Variants in RFPL2 observed in about 807,000 individuals in gnomAD.
The protein encoded by RFPL2 is ret finger protein-like 2.
RFPL2 carries 13 observed loss-of-function variants against 17.8 expected under a neutral mutation model. The observed-to-expected ratio is 0.73, with a 90% CI of 0.47 to 1.16. The LOEUF (loss-of-function observed/expected upper bound fraction) is 1.16, where lower values mean the gene tolerates loss of function less well. RFPL2 is among the 50% of genes most tolerant of loss of function. The pLI is 0.00. For missense variants in RFPL2, 431 were observed against 479.3 expected, an observed-to-expected ratio of 0.90 and a Z score of 0.94; for synonymous variants, 189 against 180.9, an observed-to-expected ratio of 1.04 and a Z score of -0.36.
At position 32,192,995 on chromosome 22, in the gene RFPL2, G is replaced by T. The variant is rs778375746; in HGVS notation, c.463C>A (p.Arg155=). Residue 155 remains arginine (R), a synonymous_variant, in exon 4 of 5, where the codon CGG becomes AGG. Transcript: ENST00000652607. ...TGGGAAGCCAGCCTCTCTAGCTGCC[G>T]ATTGCGCCTGATTTTGTTCTTCCGA... ...VSRKNKIRRN[R]QLERLASHIK... is the part of the protein sequence containing the mutation. The T allele has an allele frequency of 3.1e-6, 5 of 1,614,016 alleles. No homozygotes were observed. The highest frequency in any genetic ancestry group is 2.7e-5 in the African/African-American group (2 of 74,904).
intron 3 of RFPL2, 116 bp from the exon 4 acceptor site, chr22:32,193,308 C>G (rs772006564): frequency 6.3e-7 from 1 of 1,588,516 alleles, no homozygotes; most frequent in Non-Finnish European, 8.6e-7. Context: ...TTTGTCACTC[C>G]GAGAATAAGA....
Position 32,202,391 on chromosome 22 carries a change from A to G in RFPL2, c.61T>C (p.Cys21Arg). Residue 21 changes from cysteine to arginine, a missense_variant, in exon 2 of 5, where the codon TGT becomes CGT. Coordinates refer to ENST00000652607, the MANE Select transcript of RFPL2 (RefSeq NM_001394555.1). ...TAVSQSRICL[C>R]AVLCGHWDFA... ...TCCCAGTGGCCACACAATACAGCAC[A>G]TAGACAGATCCTGGATTGGGACACT... 1 of 1,606,554 alleles carries G rather than the reference A, an allele frequency of 6.2e-7. No individual in the cohort carries two copies. The highest frequency in any genetic ancestry group is 8.5e-7 in the Non-Finnish European group (1 of 1,176,640).
intron 1 of RFPL2, chr22:32,203,239 G>A: frequency 3.6e-6 from 1 of 274,856 alleles, no homozygotes; most frequent in Non-Finnish European, 5.5e-6. Context: ...TCTGTGCTGT[G>A]GGCAGTGCAG....
chr22:32,194,426 T>C lies in RFPL2; in HGVS notation c.184A>G (p.Arg62Gly). The C allele has an allele frequency of 6.2e-7, 1 of 1,610,666 alleles. No individual in the cohort carries two copies. The highest frequency in any genetic ancestry group is 1.1e-5 in the South Asian group (1 of 90,332). ...PVGGGNLTNK[R>G]PSCAPSPQDL... ...TGTGGGGAAGGGGCACACGAGGGCC[T>C]TTTATTGGTGAGATTCCCACCTCCC... The change falls in exon 3 of 5, where the codon AGG becomes GGG. Residue 62 changes from arginine to glycine, a missense_variant. By Grantham distance (125) the Arg-to-Gly change is moderately radical. Coordinates refer to ENST00000652607, the MANE Select transcript of RFPL2 (RefSeq NM_001394555.1).
chr22:32,202,275 T>C, intron 2 of RFPL2, 58 bp downstream of exon 2: 4 of 1,548,252 alleles, frequency 2.6e-6, no homozygotes, highest in Non-Finnish European at 3.5e-6. Context: ...TGCCTTCCTC[T>C]TTCCCTTATA....
At chr22:32,198,057 G>A (rs1427814446) in intron 2 of RFPL2, among the ~76,000 whole-genome samples, 1 of 152,102 alleles carries the variant, frequency 6.6e-6, no homozygotes, top group Non-Finnish European at 1.5e-5. Flanking sequence ...TTGTGGTTGT[G>A]GTCAGATTGG....
intron 2 of RFPL2, 130 bp downstream of exon 2, chr22:32,202,203 C>G (rs1923988543): frequency 2.5e-5 from 28 of 1,112,134 alleles, no homozygotes; most frequent in Middle Eastern, 2.1e-4. Context: ...TCTCCCTGGA[C>G]TCCCCTCTCC....
intron 4 of RFPL2, among the ~76,000 whole-genome samples, chr22:32,192,639 A>G (rs1922800140): frequency 6.6e-6 from 1 of 152,224 alleles, no homozygotes; most frequent in East Asian, 1.9e-4. Flanking sequence ...GCATTTTAAC[A>G]AGATCCCCAG....
chr22:32,202,727 C>A, intron 1 of RFPL2, 177 bp from the exon 2 acceptor site: 1 of 1,204,790 alleles, frequency 8.3e-7, no homozygotes, highest in Non-Finnish European at 1.0e-6. Flanking sequence ...CACCACAGTG[C>A]CCGGGCTTCC....
In RFPL2 at chr22:32,190,661, C is replaced by A; in HGVS notation, c.*111G>T. On this transcript the variant is annotated 3_prime_UTR_variant, in exon 5 of 5. Coordinates refer to ENST00000652607, the MANE Select transcript of RFPL2 (RefSeq NM_001394555.1). ...GATTAAGTACAATCAAGAAATGTCC[C>A]ATATTTTTCTCCCGTGACTTTGTAT... is the stretch of plus-strand genomic sequence containing the variant. The A allele has an allele frequency of 2.8e-6, 3 of 1,090,554 alleles. No homozygotes were observed. Among genetic ancestry groups the A allele is most frequent in the African/African-American group, 1.6e-5 (1 of 63,028 alleles). 67.6% of individuals were successfully genotyped at this position (1,090,554 alleles called of 1,614,324 possible).
intron 4 of RFPL2, among the ~76,000 whole-genome samples, 196 bp downstream of exon 4, chr22:32,192,706 C>T (rs1216426929): frequency 1.3e-5 from 2 of 152,160 alleles, no homozygotes; most frequent in African/African-American, 2.4e-5. Context: ...ACATAGACAT[C>T]GGGTTTTTGT....
chr22:32,191,935 C>G (rs1916023225), intron 4 of RFPL2, among the ~76,000 whole-genome samples: 1 of 151,074 alleles, frequency 6.6e-6, no homozygotes, highest in Non-Finnish European at 1.5e-5. Context: ...AAAAAATCTA[C>G]AGAACATATG....
intron 1 of RFPL2, among the ~76,000 whole-genome samples, chr22:32,204,196 G>C (rs975277969): frequency 7.1e-6 from 1 of 140,422 alleles, no homozygotes; most frequent in Non-Finnish European, 1.5e-5. Flanking sequence ...CCCATAGATA[G>C]AGCCCCCAAC....
intron 2 of RFPL2, among the ~76,000 whole-genome samples, chr22:32,201,016 G>A (rs891256745): frequency 2.0e-5 from 3 of 151,754 alleles, no homozygotes; most frequent in African/African-American, 7.3e-5. Context: ...GTGCAAGGAG[G>A]GTAATAGGTG....
In RFPL2 at chr22:32,190,880, A is replaced by G. The variant is rs757675719; in HGVS notation, c.1029T>C (p.Phe343=). ...CATTAGGTGGAACTGAAGGAGCCAA[A>G]AATGGGCGCAATGGCTCCTCAGCAG... ...SVSAEEPLRP[F]LAPSVPPNGD... The change falls in exon 5 of 5, where the codon TTT becomes TTC. Residue 343 remains phenylalanine, a synonymous_variant. Coordinates refer to ENST00000652607, the MANE Select transcript of RFPL2 (RefSeq NM_001394555.1). 8.2e-6 allele frequency: 13 copies of G among 1,593,310 alleles called. No homozygotes were observed. In the South Asian group the frequency reaches 1.5e-4, roughly 18 times the overall value.
chr22:32,200,202 G>C, intron 2 of RFPL2: 1 of 359,604 alleles, frequency 2.8e-6, no homozygotes. Flanking sequence ...GAGCGCTGTG[G>C]AGAAGACAGT....
chr22:32,190,565 G>A lies in RFPL2; in HGVS notation c.*207C>T. 1 of 446,034 alleles carries A rather than the reference G, an allele frequency of 2.2e-6. No homozygotes were observed. Among genetic ancestry groups the A allele is most frequent in the Non-Finnish European group, 3.8e-6 (1 of 261,376 alleles). 27.6% of individuals were successfully genotyped at this position (446,034 alleles called of 1,614,324 possible). A position where few individuals can be genotyped will look rare whatever the true frequency, so the allele number is the denominator to read the frequency against. On this transcript the variant is annotated 3_prime_UTR_variant, in exon 5 of 5. Coordinates refer to ENST00000652607, the MANE Select transcript of RFPL2 (RefSeq NM_001394555.1). ...GACATTTCTATAGGAAACAAGATGTGAACCATAGGACTCAATGAGTTTGAT... is the reference window on the plus strand; with the variant it reads ...GACATTTCTATAGGAAACAAGATGTAAACCATAGGACTCAATGAGTTTGAT...
chr22:32,196,569 C>G (rs1427042200), intron 2 of RFPL2, among the ~76,000 whole-genome samples: 1 of 152,156 alleles, frequency 6.6e-6, no homozygotes, highest in Non-Finnish European at 1.5e-5. Context: ...CTGGGTCACT[C>G]CACATCCACA....
Position 32,190,718 on chromosome 22 carries a change from C to T in RFPL2, c.*54G>A, listed in dbSNP as rs1922480429. ...TTTACGAAGTAGAGCGTTCCTAAGTCTACCCACCCAAGTAATTTTCTTACC... is the reference window on the plus strand; with the variant it reads ...TTTACGAAGTAGAGCGTTCCTAAGTTTACCCACCCAAGTAATTTTCTTACC... On this transcript the variant is annotated 3_prime_UTR_variant, in exon 5 of 5. Transcript: ENST00000652607. The T allele has an allele frequency of 1.3e-6, 2 of 1,488,874 alleles. No homozygotes were observed. Among genetic ancestry groups the T allele is most frequent in the African/African-American group, 1.4e-5 (1 of 71,196 alleles). 92.2% of individuals were successfully genotyped at this position (1,488,874 alleles called of 1,614,324 possible). A position where few individuals can be genotyped will look rare whatever the true frequency, so the allele number is the denominator to read the frequency against.
Sources: allele counts gnomAD v4.1 joint callset (sites outside exome capture counted in the v4.1 genomes callset), GRCh38; gene constraint gnomAD v4.1.1; transcripts MANE v1.5; gene names NCBI Gene and HGNC (gene_info 2026-07-23, HGNC 2026-07-21).